PLA2G4A: variants seen among roughly 807,000 people sequenced by gnomAD.
The protein encoded by PLA2G4A is cytosolic phospholipase A2.
Under a neutral mutation model 81.9 loss-of-function variants are expected in PLA2G4A, and 40 were observed. That is an observed-to-expected ratio of 0.49 (90% CI 0.38 to 0.64). The LOEUF is 0.64. Ranked by LOEUF, PLA2G4A falls within the 30% of genes least tolerant of loss-of-function variation. PLA2G4A has a pLI of 0.00. For synonymous variants in PLA2G4A, 302 were observed against 296.9 expected, an observed-to-expected ratio of 1.02 and a Z score of -0.18; for missense variants, 715 against 905.1, an observed-to-expected ratio of 0.79 and a Z score of 2.69.
chr1:186,874,173 T>C (rs1468187697), intron 3 of PLA2G4A, among the ~76,000 whole-genome samples: 1 of 152,136 alleles, frequency 6.6e-6, no homozygotes, highest in East Asian at 1.9e-4. Context: ...TTAAACTCTA[T>C]ACTCTACATT....
At chr1:186,891,623 C>T (rs1042999729) in intron 3 of PLA2G4A, among the ~76,000 whole-genome samples, 3 of 152,110 alleles carry the variant, frequency 2.0e-5, no homozygotes, top group Non-Finnish European at 4.4e-5. Flanking sequence ...ATGCAAATGG[C>T]GAGATCTCAT....
chr1:186,880,547 G>A (rs556071148), intron 3 of PLA2G4A, among the ~76,000 whole-genome samples: 2 of 152,008 alleles, frequency 1.3e-5, no homozygotes, highest in Non-Finnish European at 2.9e-5. Flanking sequence ...GCAGCTAGAA[G>A]TCAGGGACAA....
chr1:186,834,955 T>C (rs1651726511), intron 1 of PLA2G4A, among the ~76,000 whole-genome samples: 1 of 152,190 alleles, frequency 6.6e-6, no homozygotes, highest in Admixed American at 6.5e-5. Context: ...TTCCAAATAA[T>C]TCAGTAGCTT....
At chr1:186,923,836 G>T (rs1655448540) in intron 7 of PLA2G4A, among the ~76,000 whole-genome samples, 1 of 152,292 alleles carries the variant, frequency 6.6e-6, no homozygotes, top group South Asian at 2.1e-4. Context: ...CTAGTTATTT[G>T]CAACAATTAT....
intron 2 of PLA2G4A, among the ~76,000 whole-genome samples, chr1:186,865,750 A>G (rs577210739): frequency 6.6e-6 from 1 of 152,250 alleles, no homozygotes; most frequent in Non-Finnish European, 1.5e-5. Context: ...ACAGATTAGG[A>G]AGATCATCAA....
chr1:186,917,637 G>A (rs1655186582), intron 7 of PLA2G4A, among the ~76,000 whole-genome samples: 1 of 152,134 alleles, frequency 6.6e-6, no homozygotes, highest in Non-Finnish European at 1.5e-5. Flanking sequence ...TGATTCATAA[G>A]GGCAGTCCAA....
intron 1 of PLA2G4A, among the ~76,000 whole-genome samples, chr1:186,834,578 A>G (rs1651713176): frequency 6.6e-6 from 1 of 152,128 alleles, no homozygotes; most frequent in Non-Finnish European, 1.5e-5. Flanking sequence ...ATAATAACTC[A>G]ATCGTTCTGC....
chr1:186,861,724 T>C (rs1283344362), intron 2 of PLA2G4A, among the ~76,000 whole-genome samples: 1 of 152,128 alleles, frequency 6.6e-6, no homozygotes, highest in East Asian at 1.9e-4. Context: ...TGTGAAATTC[T>C]AATGTTGGAG....
intron 2 of PLA2G4A, among the ~76,000 whole-genome samples, chr1:186,868,137 G>T (rs970843718): frequency 6.9e-6 from 1 of 144,004 alleles, no homozygotes; most frequent in Admixed American, 7.3e-5. Flanking sequence ...GTGCAATGGC[G>T]CTATCTTGCT....
At chr1:186,915,611 A>T (rs185459061) in intron 7 of PLA2G4A, among the ~76,000 whole-genome samples, 1 of 152,238 alleles carries the variant, frequency 6.6e-6, no homozygotes, top group East Asian at 1.9e-4. Flanking sequence ...AGTTTCAATA[A>T]CACAACTACC....
At chr1:186,878,242 AAATATG>A (rs1653583781) in intron 3 of PLA2G4A, among the ~76,000 whole-genome samples, 1 of 141,502 alleles carries the variant, frequency 7.1e-6, no homozygotes, top group Non-Finnish European at 1.5e-5. Flanking sequence ...ATATCTATAT[AAATATG>A]TCTTTTCTGA....
intron 15 of PLA2G4A, among the ~76,000 whole-genome samples, chr1:186,975,245 C>A (rs997353648): frequency 6.6e-6 from 1 of 152,134 alleles, no homozygotes; most frequent in African/African-American, 2.4e-5. Context: ...AAGTTTCAAA[C>A]AAGAAATTAT....
chr1:186,894,561 C>CAGAG (rs147621153), intron 5 of PLA2G4A, among the ~76,000 whole-genome samples: 3 of 149,788 alleles, frequency 2.0e-5, no homozygotes, highest in East Asian at 1.9e-4. Context: ...GAGCTGGGGG[C>CAGAG]AGAGAGAGAG....
chr1:186,851,964 A>G (rs1418678864), intron 1 of PLA2G4A, among the ~76,000 whole-genome samples: 1 of 151,948 alleles, frequency 6.6e-6, no homozygotes, highest in African/African-American at 2.4e-5. Flanking sequence ...ACAGAGGATG[A>G]GGGATGAGGG....
chr1:186,954,041 G>A (rs922255599), intron 13 of PLA2G4A, among the ~76,000 whole-genome samples: 1 of 152,130 alleles, frequency 6.6e-6, no homozygotes, highest in Admixed American at 6.5e-5. Context: ...CATCTGGACT[G>A]GTTACTGAAT....
chr1:186,889,314 A>G (rs1301280163), intron 3 of PLA2G4A, among the ~76,000 whole-genome samples: 1 of 152,224 alleles, frequency 6.6e-6, no homozygotes, highest in Admixed American at 6.5e-5. Flanking sequence ...TGTCAGCTAG[A>G]CTATTTGTTA....
intron 10 of PLA2G4A, among the ~76,000 whole-genome samples, chr1:186,945,221 ACTT>A (rs542683167): frequency 7.0e-4 from 106 of 152,266 alleles, no homozygotes; most frequent in African/African-American, 2.6e-3. Context: ...AATGAACTTG[ACTT>A]CTTTGAGGAA....
intron 14 of PLA2G4A, among the ~76,000 whole-genome samples, chr1:186,958,225 C>A (rs1390355176): frequency 1.3e-5 from 2 of 152,156 alleles, no homozygotes; most frequent in Non-Finnish European, 2.9e-5. Flanking sequence ...GTAATCCCAA[C>A]AGGATTCACT....
At chr1:186,950,290 T>C (rs966690437) in intron 12 of PLA2G4A, among the ~76,000 whole-genome samples, 2 of 152,188 alleles carry the variant, frequency 1.3e-5, no homozygotes, top group South Asian at 4.1e-4. Flanking sequence ...TTATCCTTTA[T>C]CTTCATAAAC....
Sources: gnomAD v4.1 joint callset for allele counts (sites outside exome capture counted in the v4.1 genomes callset) on GRCh38, gnomAD v4.1.1 for gene constraint, MANE v1.5 for transcripts, NCBI Gene and HGNC (gene_info 2026-07-23, HGNC 2026-07-21) for gene names.